Variants in RYR2 observed in about 807,000 individuals in gnomAD.
RYR2 encodes the protein ryanodine receptor 2.
RYR2 carries 227 observed loss-of-function variants against 601.1 expected under a neutral mutation model. That is an observed-to-expected ratio of 0.38 (90% CI 0.34 to 0.42). RYR2 has a LOEUF of 0.42. Among genes scored for constraint, RYR2 ranks in the 10% least tolerant of loss-of-function variants. The pLI is 1.00. For missense variants in RYR2, 4,646 were observed against 6,156.5 expected (o/e 0.75, Z 8.21); for synonymous variants, 2,223 against 2,175.1 (o/e 1.02, Z -0.61).
At chr1:237,775,721 A>G (rs1694610944) in intron 87 of RYR2, among the ~76,000 whole-genome samples, 1 of 152,190 alleles carries the variant, frequency 6.6e-6, no homozygotes, top group South Asian at 2.1e-4. Flanking sequence ...CAGTAAGACC[A>G]TGAGGTAGTT....
intron 1 of RYR2, among the ~76,000 whole-genome samples, chr1:237,137,291 T>G (rs1235750823): frequency 6.6e-6 from 1 of 152,138 alleles, no homozygotes; most frequent in African/African-American, 2.4e-5. Context: ...ATGGTCTCTG[T>G]CACCTTGTCA....
intron 33 of RYR2, among the ~76,000 whole-genome samples, chr1:237,594,887 T>G (rs76453284): frequency 6.0e-4 from 6 of 10,078 alleles, no homozygotes; most frequent in Admixed American, 5.2e-3. Context: ...TATCACTGGG[T>G]TTTTTTTTTT....
intron 38 of RYR2, 119 bp from the exon 39 acceptor site, chr1:237,623,646 C>T (rs1189125419): frequency 4.9e-6 from 3 of 615,178 alleles, no homozygotes; most frequent in Non-Finnish European, 5.7e-6. Flanking sequence ...CCCACCTCAG[C>T]CTCCCAGAGT....
In RYR2 at chr1:237,591,751, A is replaced by G. The variant is rs549070736; in HGVS notation, c.4173A>G (p.Arg1391=). 2 of 1,612,932 alleles carry G rather than the reference A, an allele frequency of 1.2e-6. No individual in the cohort carries two copies. The highest frequency in any genetic ancestry group is 2.2e-5 in the South Asian group (2 of 90,832). ...TGAAATATTTCAGATTTTTGCTTAG[A>G]AGAACAAAGCCAGATTACAGCACAA... ...PSRLKQRFLL[R]RTKPDYSTSH... The change falls in exon 32 of 105, where the codon AGA becomes AGG. Residue 1391 remains arginine (R), a synonymous_variant. Coordinates refer to ENST00000366574, the MANE Select transcript of RYR2 (RefSeq NM_001035.3).
At chr1:237,579,595 A>G (rs1673664694) in intron 29 of RYR2, among the ~76,000 whole-genome samples, 1 of 152,140 alleles carries the variant, frequency 6.6e-6, no homozygotes, top group Non-Finnish European at 1.5e-5. Context: ...GCAAATTTCC[A>G]TGGGTCAAAA....
At position 237,614,019 on chromosome 1, in the gene RYR2, C is replaced by T; in HGVS notation, c.4911-20C>T. 1 of 1,591,834 alleles carries T rather than the reference C, an allele frequency of 6.3e-7. No individual in the cohort carries two copies. Among genetic ancestry groups the T allele is most frequent in the Non-Finnish European group, 8.6e-7 (1 of 1,164,166 alleles). On this transcript the variant is annotated intron_variant, in intron 36 of 104. Coordinates refer to ENST00000366574, the MANE Select transcript of RYR2 (RefSeq NM_001035.3). The surrounding 1 kb of genome is among the most constrained non-coding windows in gnomAD (Gnocchi z 4.3). ...AATCATTCATTTCTAATCTTACTAC[C>T]ACTCTCCTCCCTTCTACAGATCTGT...
chr1:237,106,298 A>G lies in RYR2; in HGVS notation c.48+63729A>G, dbSNP rs768960837. 1.3e-5 allele frequency among the ~76,000 whole-genome samples: 2 copies of G among 152,210 alleles called. No individual in the cohort carries two copies. Among genetic ancestry groups the G allele is most frequent in the Non-Finnish European group, 2.9e-5 (2 of 68,024 alleles). ...CCTGCACCAGCTCCCGCTGGGCTGC[A>G]GACAGGCTCTGATGTGGCTTGCAGC... On this transcript the variant is annotated intron_variant, in intron 1 of 104. Coordinates refer to ENST00000366574, the MANE Select transcript of RYR2 (RefSeq NM_001035.3). The surrounding 1 kb of genome is among the most constrained non-coding windows in gnomAD (Gnocchi z 4.4).
chr1:237,353,511 GAA>G (rs61606386), intron 3 of RYR2, among the ~76,000 whole-genome samples: 2,438 of 52,730 alleles, frequency 0.046, 75 homozygotes, highest in African/African-American at 0.12. Flanking sequence ...TCCGTCTCAA[GAA>G]AAAAAAAAAA....
At chr1:237,354,750 G>C (rs1293766397) in intron 3 of RYR2, among the ~76,000 whole-genome samples, 1 of 152,046 alleles carries the variant, frequency 6.6e-6, no homozygotes, top group Non-Finnish European at 1.5e-5. Flanking sequence ...TGAAAATCAG[G>C]CCTTTCTGTT....
intron 39 of RYR2, among the ~76,000 whole-genome samples, chr1:237,624,342 AAAC>A (rs1246917406): frequency 6.6e-6 from 1 of 152,178 alleles, no homozygotes; most frequent in Non-Finnish European, 1.5e-5. Flanking sequence ...AGTATTCTTA[AAAC>A]AACAACAAAC....
intron 23 of RYR2, among the ~76,000 whole-genome samples, chr1:237,508,794 G>C (rs1229541283): frequency 3.7e-5 from 5 of 134,134 alleles, no homozygotes; most frequent in Non-Finnish European, 7.7e-5. Context: ...CCAGGCTGGA[G>C]TGCAGTGGCG....
intron 1 of RYR2, among the ~76,000 whole-genome samples, chr1:237,100,196 G>A (rs904304762): frequency 6.6e-6 from 1 of 152,240 alleles, no homozygotes; most frequent in Non-Finnish European, 1.5e-5. Context: ...AAAATAAAAT[G>A]AAAAAGCAAA....
intron 56 of RYR2, 104 bp downstream of exon 56, chr1:237,661,051 AAG>A (rs1683740818): frequency 1.7e-5 from 19 of 1,115,704 alleles, no homozygotes; most frequent in Non-Finnish European, 2.2e-5. Flanking sequence ...GAAAATTCTG[AAG>A]AGTCACAAAA....
chr1:237,331,507 C>A (rs981279624), intron 3 of RYR2, among the ~76,000 whole-genome samples: 1 of 150,284 alleles, frequency 6.7e-6, no homozygotes, highest in Non-Finnish European at 1.5e-5. Context: ...TGAAATTTTT[C>A]TTTTCTTTTT....
chr1:237,801,367 CAAAAAAAAAAAAAA>C (rs71162423), intron 97 of RYR2, among the ~76,000 whole-genome samples: 34 of 95,480 alleles, frequency 3.6e-4, no homozygotes, highest in Non-Finnish European at 6.2e-4. Flanking sequence ...CCCATCTCTA[CAAAAAAAAAAAAAA>C]AAAAAAAAAA....
intron 17 of RYR2, among the ~76,000 whole-genome samples, chr1:237,479,532 CAATA>C (rs1202651677): frequency 4.6e-5 from 7 of 152,160 alleles, no homozygotes; most frequent in Non-Finnish European, 1.0e-4. Flanking sequence ...TGATAGCTCT[CAATA>C]AATATTTGCT....
intron 1 of RYR2, among the ~76,000 whole-genome samples, chr1:237,127,712 G>T (rs1463934701): frequency 1.4e-4 from 21 of 147,832 alleles, no homozygotes; most frequent in Admixed American, 2.7e-4. Flanking sequence ...AGACGGGGTC[G>T]CGGCCGGGCA....
intron 1 of RYR2, among the ~76,000 whole-genome samples, chr1:237,186,660 A>T (rs533455496): frequency 1.3e-5 from 2 of 152,222 alleles, no homozygotes; most frequent in East Asian, 1.9e-4. Context: ...ACCCACTTGC[A>T]TAAGAGTCCC....
intron 60 of RYR2, 22 bp from the exon 61 acceptor site, chr1:237,678,026 T>G: frequency 1.3e-6 from 2 of 1,524,996 alleles, no homozygotes; most frequent in Non-Finnish European, 1.8e-6. Context: ...AGCATTTACC[T>G]AAAAACTCTT....
Sources: gnomAD v4.1 joint callset for allele counts (sites outside exome capture counted in the v4.1 genomes callset) on GRCh38, gnomAD v4.1.1 for gene constraint, Gnocchi (gnomAD v3.1) non-coding constraint, MANE v1.5 for transcripts, NCBI Gene and HGNC (gene_info 2026-07-23, HGNC 2026-07-21) for gene names.